Variants in HKDC1 observed in about 807,000 individuals in gnomAD.
HKDC1 encodes the protein hexokinase HKDC1.
A neutral mutation model predicts 96.6 loss-of-function variants in HKDC1; 66 were observed. The ratio of observed to expected loss-of-function variants is 0.68; its 90% CI spans 0.56 to 0.84. HKDC1 has a LOEUF of 0.84. Ranked by LOEUF, HKDC1 falls within the 40% of genes least tolerant of loss-of-function variation. HKDC1 has a pLI of 0.00. For synonymous variants in HKDC1, 466 were observed against 473.1 expected (o/e 0.98, Z 0.20); for missense variants, 1,211 against 1,208.1 (o/e 1.00, Z -0.04).
chr10:69,229,542 C>T (rs750983071), intron 2 of HKDC1, among the ~76,000 whole-genome samples: 17 of 152,310 alleles, frequency 1.1e-4, no homozygotes, highest in African/African-American at 2.9e-4. Flanking sequence ...GGGCTAAGTC[C>T]GCCTGGCTTC....
At chr10:69,247,677 C>A in intron 9 of HKDC1, 84 bp downstream of exon 9, 1 of 1,086,140 alleles carries the variant, frequency 9.2e-7, no homozygotes, top group South Asian at 1.5e-5. Context: ...TCCTGCCTAT[C>A]TGGGGTCTGG....
intron 9 of HKDC1, among the ~76,000 whole-genome samples, chr10:69,248,114 C>T (rs1843571218): frequency 6.6e-6 from 1 of 152,150 alleles, no homozygotes; most frequent in South Asian, 2.1e-4. Context: ...TGGTTACACC[C>T]TGGAAAGAGC....
At chr10:69,262,860 T>C (rs554088995) in intron 16 of HKDC1, among the ~76,000 whole-genome samples, 1 of 152,172 alleles carries the variant, frequency 6.6e-6, no homozygotes, top group Non-Finnish European at 1.5e-5. Context: ...CCTGTTTTGC[T>C]GTGTAAAACA....
rs749561506 is a variant in HKDC1, at chr10:69,243,196, GC to G, written c.707del (p.Ala236GlyfsTer7). ...VGVIIGTGTN[A>X]CYMEDMSNID... ...CCCTGGTTCAGGAACTGGCACCAAT[GC>G]GTGTTACATGGAGGACATGAGCAAC... On this transcript the variant is annotated frameshift_variant, in exon 7 of 18. Transcript: ENST00000354624. LOFTEE classifies it high-confidence loss of function. 1.5e-5 allele frequency: 24 copies of G among 1,614,118 alleles called. No individual in the cohort carries two copies. The highest frequency in any genetic ancestry group is 1.7e-6 in the Non-Finnish European group (2 of 1,180,044).
rs1002042399 is a variant in HKDC1 at position 69,248,420 on chromosome 10, T to G, written c.1266-4T>G. 1.0e-5 allele frequency: 16 copies of G among 1,545,004 alleles called. No homozygotes were observed. The highest frequency in any genetic ancestry group is 1.3e-5 in the Non-Finnish European group (15 of 1,143,564). On this transcript the variant is annotated splice_polypyrimidine_tract_variant and splice_region_variant and intron_variant, in intron 9 of 17. Transcript: ENST00000354624. ...TAAATATTTTGCCATCACCCCTGCTTCAGGTACCCAAAACGCCTGCACAAG... is the reference window on the plus strand; with the variant it reads ...TAAATATTTTGCCATCACCCCTGCTGCAGGTACCCAAAACGCCTGCACAAG...
chr10:69,250,768 C>T, intron 12 of HKDC1, 116 bp downstream of exon 12: 1 of 1,077,456 alleles, frequency 9.3e-7, no homozygotes, highest in Non-Finnish European at 1.3e-6. Flanking sequence ...GGGTTCAGGG[C>T]AGCTGGGAAC....
chr10:69,225,138 G>A (rs1217905630), intron 1 of HKDC1, among the ~76,000 whole-genome samples: 5 of 152,174 alleles, frequency 3.3e-5, no homozygotes, highest in Admixed American at 6.5e-5. Flanking sequence ...TTAAACCCCA[G>A]TCGCAAATGA....
intron 1 of HKDC1, among the ~76,000 whole-genome samples, chr10:69,222,457 C>A (rs1267485158): frequency 6.6e-6 from 1 of 152,230 alleles, no homozygotes; most frequent in African/African-American, 2.4e-5. Flanking sequence ...AGTAAAGGCA[C>A]AAGTTGCACC....
rs754473777 is a variant in HKDC1, at chr10:69,248,721, C to G, written c.1563C>G (p.Asp521Glu). ...CCACCTACGTCTGCGGGCTGCCGGACGGCACAGGTGGGCCAGCACAGCCTC... is the reference window on the plus strand; with the variant it reads ...CCACCTACGTCTGCGGGCTGCCGGAGGGCACAGGTGGGCCAGCACAGCCTC... The part of the protein sequence containing the change: ...MLPTYVCGLP[D>E]GTEKGKFLAL... The change falls in exon 10 of 18, where the codon GAC (aspartate) becomes GAG (glutamate). Residue 521 changes from aspartate to glutamate, a missense_variant. Transcript: ENST00000354624. The G allele has an allele frequency of 6.2e-7, 1 of 1,604,636 alleles. No homozygotes were observed.
At chr10:69,242,425 T>TG (rs2132351903) in intron 6 of HKDC1, among the ~76,000 whole-genome samples, 1 of 9,616 alleles carries the variant, frequency 1.0e-4, no homozygotes, top group South Asian at 5.2e-3. Flanking sequence ...GGGAAGATAC[T>TG]GAAGAAAAAA....
At position 69,246,218 on chromosome 10, in the gene HKDC1, G is replaced by A. The variant is rs373637440; in HGVS notation, c.1015G>A (p.Val339Met). The A allele has an allele frequency of 2.0e-5, 33 of 1,613,848 alleles. No homozygotes were observed. Among genetic ancestry groups the A allele is most frequent in the Non-Finnish European group, 2.3e-5 (27 of 1,180,008 alleles). Residue 339 changes from valine to methionine, a missense_variant, in exon 8 of 18, where the codon GTG (valine) becomes ATG (methionine). Coordinates refer to ENST00000354624, the MANE Select transcript of HKDC1 (RefSeq NM_025130.4). The stretch of plus-strand genomic sequence containing the variant: ...TAAGGGCAAGATCGAAACACGGCAC[G>A]TGGCTGCCATGGAGAAGTAAGCAAG... ...HTKGKIETRHVAAMEKYKEGL... is the reference protein window; with the variant it reads ...HTKGKIETRHMAAMEKYKEGL...
intron 4 of HKDC1, among the ~76,000 whole-genome samples, chr10:69,237,479 A>G (rs1038113485): frequency 6.6e-6 from 1 of 152,220 alleles, no homozygotes; most frequent in Non-Finnish European, 1.5e-5. Context: ...ACTCATACCT[A>G]TATTAAATAC....
chr10:69,238,368 C>CTTTTTTTTTTTTTTTTTTTTTT (rs55819248), intron 4 of HKDC1, among the ~76,000 whole-genome samples: 2 of 61,374 alleles, frequency 3.3e-5, no homozygotes, highest in African/African-American at 1.6e-4. Context: ...CAGGTATTTT[C>CTTTTTTTTTTTTTTTTTTTTTT]TTTTTTTTTT....
chr10:69,256,004 T>G (rs977056010), intron 12 of HKDC1, among the ~76,000 whole-genome samples: 5 of 151,848 alleles, frequency 3.3e-5, no homozygotes, highest in African/African-American at 9.7e-5. Context: ...TTAGAAAATA[T>G]AGACAAACAA....
chr10:69,226,789 G>A (rs1270949809), intron 1 of HKDC1, among the ~76,000 whole-genome samples: 4 of 152,222 alleles, frequency 2.6e-5, no homozygotes, highest in African/African-American at 9.6e-5. Context: ...ATCATTGGAT[G>A]AAAGAAAGCT....
intron 7 of HKDC1, 126 bp downstream of exon 7, chr10:69,243,491 T>C (rs1843488724): frequency 2.4e-6 from 2 of 826,010 alleles, no homozygotes; most frequent in Non-Finnish European, 1.7e-6. Flanking sequence ...TTTCTTTTTT[T>C]CTTTTTCCTT....
chr10:69,261,575 A>G (rs1164246186), intron 16 of HKDC1: 3 of 304,484 alleles, frequency 9.9e-6, no homozygotes, highest in Non-Finnish European at 1.8e-5. Flanking sequence ...TCATCTATAA[A>G]TATTTCATAA....
At position 69,240,672 on chromosome 10, in the gene HKDC1, G is replaced by A. The variant is rs1365589546; in HGVS notation, c.612G>A (p.Leu204=). The A allele has an allele frequency of 1.2e-6, 2 of 1,614,010 alleles. No homozygotes were observed. The highest frequency in any genetic ancestry group is 8.5e-7 in the Non-Finnish European group (1 of 1,179,962). The change falls in exon 6 of 18, where the codon CTG becomes CTA. Residue 204 remains leucine, a synonymous_variant. Transcript: ENST00000354624. ...RRHKDMDVDI[L]ALVNDTVGTM... is the part of the protein sequence containing the mutation. The stretch of plus-strand genomic sequence containing the variant: ...GGCAGGACATGGACGTGGACATCCT[G>A]GCCCTGGTCAATGACACCGTGGGGA...
intron 2 of HKDC1, among the ~76,000 whole-genome samples, chr10:69,231,437 T>C (rs10082355): frequency 0.43 from 64,904 of 151,530 alleles, 14,285 homozygotes; most frequent in East Asian, 0.76. Flanking sequence ...ACACTCACTC[T>C]TAGCGGATGC....
Sources: gnomAD v4.1 joint callset for allele counts (sites outside exome capture counted in the v4.1 genomes callset) on GRCh38, gnomAD v4.1.1 for gene constraint, MANE v1.5 for transcripts, NCBI Gene and HGNC (gene_info 2026-07-23, HGNC 2026-07-21) for gene names.